Variants in FBLN5 observed in about 807,000 individuals in gnomAD.
FBLN5 encodes fibulin-5.
FBLN5 carries 24 observed loss-of-function variants against 61.6 expected under a neutral mutation model. The ratio of observed to expected loss-of-function variants is 0.39; its 90% CI spans 0.28 to 0.55. The LOEUF is 0.55. Among genes scored for constraint, FBLN5 ranks in the 20% least tolerant of loss-of-function variants. The probability of loss-of-function intolerance (pLI) is 0.65; values close to 1 mark genes in which losing one functional copy is unlikely to be tolerated. For synonymous variants in FBLN5, 213 were observed against 219.8 expected, an observed-to-expected ratio of 0.97 and a Z score of 0.27; for missense variants, 470 against 594.1, an observed-to-expected ratio of 0.79 and a Z score of 2.17.
At chr14:91,887,887 G>A (rs1312418240) in intron 6 of FBLN5, among the ~76,000 whole-genome samples, 1 of 152,188 alleles carries the variant, frequency 6.6e-6, no homozygotes. Context: ...GGACTAATGG[G>A]AAATCCATTA....
At chr14:91,925,627 G>A (rs2055815260) in intron 4 of FBLN5, among the ~76,000 whole-genome samples, 1 of 152,214 alleles carries the variant, frequency 6.6e-6, no homozygotes, top group Admixed American at 6.5e-5. Context: ...CAAAGCTGTG[G>A]CTTCAAGGTA....
intron 1 of FBLN5, among the ~76,000 whole-genome samples, chr14:91,946,088 CT>C (rs2140060523): frequency 6.6e-6 from 1 of 151,466 alleles, no homozygotes; most frequent in African/African-American, 2.4e-5. Flanking sequence ...ATCTTTCCCC[CT>C]ACTCCCCGCA....
intron 4 of FBLN5, among the ~76,000 whole-genome samples, chr14:91,916,389 G>GT (rs1305569619): frequency 2.6e-5 from 4 of 152,212 alleles, no homozygotes; most frequent in Non-Finnish European, 2.9e-5. Context: ...GGAGGTTGCC[G>GT]TGAGAGGAGA....
chr14:91,880,253 T>C (rs1485474755), intron 9 of FBLN5, among the ~76,000 whole-genome samples: 5 of 152,140 alleles, frequency 3.3e-5, no homozygotes, highest in Non-Finnish European at 7.3e-5. Flanking sequence ...AAGCATTCAT[T>C]TCACCTGGGA....
At chr14:91,927,617 T>C (rs1376894072) in intron 4 of FBLN5, among the ~76,000 whole-genome samples, 1 of 152,234 alleles carries the variant, frequency 6.6e-6, no homozygotes, top group Non-Finnish European at 1.5e-5. Flanking sequence ...AGCATGCACC[T>C]CCTACTAACT....
At chr14:91,895,374 T>C (rs770690355) in intron 4 of FBLN5, among the ~76,000 whole-genome samples, 2 of 152,204 alleles carry the variant, frequency 1.3e-5, no homozygotes, top group South Asian at 4.1e-4. Flanking sequence ...ACCTTGACAA[T>C]AACCATTACT....
At chr14:91,905,878 G>A (rs1012621497) in intron 4 of FBLN5, among the ~76,000 whole-genome samples, 9 of 145,782 alleles carry the variant, frequency 6.2e-5, no homozygotes, top group East Asian at 3.9e-4. Flanking sequence ...ACACCTGGCC[G>A]AGTTGTTTGT....
chr14:91,921,412 A>G (rs2055731677), intron 4 of FBLN5, among the ~76,000 whole-genome samples: 1 of 152,168 alleles, frequency 6.6e-6, no homozygotes, highest in Non-Finnish European at 1.5e-5. Flanking sequence ...AGCAGGTTAC[A>G]AGGCAACGTT....
chr14:91,923,218 T>C (rs564758067), intron 4 of FBLN5, among the ~76,000 whole-genome samples: 21 of 152,294 alleles, frequency 1.4e-4, no homozygotes, highest in Non-Finnish European at 2.2e-4. Flanking sequence ...AATGAGCTTG[T>C]GGCAGTGCTA....
chr14:91,883,645 T>TAA (rs765183580), intron 7 of FBLN5, among the ~76,000 whole-genome samples: 5 of 80,060 alleles, frequency 6.2e-5, no homozygotes, highest in East Asian at 4.1e-4. Context: ...CTTCACTGTG[T>TAA]AAAAAAAAAA....
chr14:91,919,707 G>C (rs899075501), intron 4 of FBLN5, among the ~76,000 whole-genome samples: 1 of 152,214 alleles, frequency 6.6e-6, no homozygotes, highest in Non-Finnish European at 1.5e-5. Context: ...ACAAAGTCAA[G>C]TAAAGGAAAG....
At chr14:91,909,347 C>G (rs1458054996) in intron 4 of FBLN5, among the ~76,000 whole-genome samples, 1 of 152,186 alleles carries the variant, frequency 6.6e-6, no homozygotes, top group African/African-American at 2.4e-5. Context: ...GTAGCCCCTA[C>G]TCCAAGCACA....
At chr14:91,872,485 C>A (rs1362243360) in intron 10 of FBLN5, among the ~76,000 whole-genome samples, 1 of 152,134 alleles carries the variant, frequency 6.6e-6, no homozygotes, top group East Asian at 1.9e-4. Flanking sequence ...AATAAAGGAA[C>A]CTAGCTGGTT....
chr14:91,893,103 T>TG (rs1939413826), intron 5 of FBLN5, among the ~76,000 whole-genome samples: 2 of 151,722 alleles, frequency 1.3e-5, no homozygotes, highest in Non-Finnish European at 2.9e-5. Context: ...CCCCTTGTGG[T>TG]GGGAAAAAAA....
intron 7 of FBLN5, among the ~76,000 whole-genome samples, 166 bp downstream of exon 7, chr14:91,887,027 C>T (rs936181204): frequency 2.6e-5 from 4 of 152,168 alleles, no homozygotes; most frequent in Admixed American, 2.6e-4. Context: ...TGGGAAGTGA[C>T]TCATCTCTGT....
intron 10 of FBLN5, among the ~76,000 whole-genome samples, chr14:91,871,143 C>T (rs936699687): frequency 6.7e-6 from 1 of 149,046 alleles, no homozygotes; most frequent in Non-Finnish European, 1.5e-5. Context: ...TGCACATGTA[C>T]TCTTGAAAGT....
At chr14:91,945,945 T>C (rs2056176780) in intron 1 of FBLN5, among the ~76,000 whole-genome samples, 1 of 152,252 alleles carries the variant, frequency 6.6e-6, no homozygotes, top group Non-Finnish European at 1.5e-5. Context: ...TGAATTTCAA[T>C]GTTTTCCTGT....
chr14:91,871,221 TAAAAA>T (rs55903830), intron 10 of FBLN5, among the ~76,000 whole-genome samples: 1 of 137,934 alleles, frequency 7.2e-6, no homozygotes, highest in Non-Finnish European at 1.5e-5. Flanking sequence ...ATCAGTAATT[TAAAAA>T]AAAAAAAAAA....
rs1404600663 is a variant in FBLN5, at chr14:91,942,960, T to A, written c.19A>T (p.Ile7Leu). ...AGAGCCAGAATGGTAACAGTGAGTA[T>A]CCTGTGGAGGTGAAAAGTCAAATAT... MPGIKRILTVTILALCL... is the reference protein window; with the variant it reads MPGIKRLLTVTILALCL... Residue 7 changes from isoleucine to leucine, a missense_variant and splice_region_variant, in exon 2 of 11, where the codon ATA becomes TTA. Transcript: ENST00000342058. The A allele has an allele frequency of 1.3e-6, 2 of 1,550,686 alleles. No individual in the cohort carries two copies. Among genetic ancestry groups the A allele is most frequent in the African/African-American group, 2.7e-5 (2 of 73,372 alleles).
Sources: allele counts gnomAD v4.1 joint callset (sites outside exome capture counted in the v4.1 genomes callset), GRCh38; gene constraint gnomAD v4.1.1; transcripts MANE v1.5; gene names NCBI Gene and HGNC (gene_info 2026-07-23, HGNC 2026-07-21).